TBC1D22A: variants seen among roughly 807,000 people sequenced by gnomAD.
The protein encoded by TBC1D22A is TBC1 domain family member 22A, also known as putative GTPase activator.
Under a neutral mutation model 60.2 loss-of-function variants are expected in TBC1D22A, and 38 were observed. The observed-to-expected ratio is 0.63, with a 90% confidence interval of 0.49 to 0.83. The LOEUF (loss-of-function observed/expected upper bound fraction) is 0.83. Ranked by LOEUF, TBC1D22A falls within the 40% of genes least tolerant of loss-of-function variation. The probability of loss-of-function intolerance (pLI) is 0.00; values close to 1 mark genes in which losing one functional copy is unlikely to be tolerated. For missense variants in TBC1D22A, 628 were observed against 701.0 expected (o/e 0.90, Z 1.18); for synonymous variants, 302 against 281.7 (o/e 1.07, Z -0.72).
chr22:46,773,143 C>T (rs2083561120), intron 1 of TBC1D22A, among the ~76,000 whole-genome samples: 1 of 152,186 alleles, frequency 6.6e-6, no homozygotes, highest in African/African-American at 2.4e-5. Flanking sequence ...GCATCTCTGC[C>T]CCTCCTCAGC....
chr22:47,016,159 A>G (rs901406067), intron 10 of TBC1D22A, among the ~76,000 whole-genome samples: 1 of 152,144 alleles, frequency 6.6e-6, no homozygotes, highest in African/African-American at 2.4e-5. Context: ...AGAAGCTTTT[A>G]CAGTGGGCAC....
chr22:46,793,302 C>G (rs556443990), intron 2 of TBC1D22A, among the ~76,000 whole-genome samples, 199 bp from the exon 3 acceptor site: 3 of 152,370 alleles, frequency 2.0e-5, no homozygotes, highest in South Asian at 4.1e-4. Context: ...CCCCCTCCCC[C>G]TCCTGCCACT....
At chr22:46,986,377 A>G (rs2074723432) in intron 9 of TBC1D22A, among the ~76,000 whole-genome samples, 1 of 151,266 alleles carries the variant, frequency 6.6e-6, no homozygotes, top group Admixed American at 6.6e-5. Flanking sequence ...TTTTATATAA[A>G]GTTTGCTTTT....
intron 11 of TBC1D22A, among the ~76,000 whole-genome samples, chr22:47,047,780 G>T (rs939466636): frequency 3.3e-5 from 5 of 152,358 alleles, no homozygotes; most frequent in Admixed American, 3.3e-4. Context: ...CCTGTCGGGT[G>T]CCCTGGCAAG....
chr22:46,844,995 T>A (rs942381596), intron 4 of TBC1D22A, among the ~76,000 whole-genome samples: 14 of 152,316 alleles, frequency 9.2e-5, no homozygotes, highest in Admixed American at 6.5e-4. Flanking sequence ...GAGTCCTGTC[T>A]GTGCCTGGAG....
intron 10 of TBC1D22A, among the ~76,000 whole-genome samples, chr22:47,017,126 T>C (rs2061934605): frequency 1.3e-5 from 2 of 152,254 alleles, no homozygotes; most frequent in African/African-American, 4.8e-5. Flanking sequence ...TACAAGTCTT[T>C]CCTGTCATTA....
chr22:46,840,738 A>G (rs991523790), intron 4 of TBC1D22A, among the ~76,000 whole-genome samples: 3 of 152,142 alleles, frequency 2.0e-5, no homozygotes, highest in Non-Finnish European at 4.4e-5. Context: ...GTCTACAAAA[A>G]AAAAAAAAAG....
intron 11 of TBC1D22A, among the ~76,000 whole-genome samples, chr22:47,107,262 A>G (rs2065670233): frequency 6.6e-6 from 1 of 152,224 alleles, no homozygotes; most frequent in South Asian, 2.1e-4. Context: ...TGCTAGAAAA[A>G]GTAGAACAGT....
intron 1 of TBC1D22A, among the ~76,000 whole-genome samples, chr22:46,780,628 C>G (rs900687376): frequency 6.6e-6 from 1 of 152,230 alleles, no homozygotes; most frequent in Non-Finnish European, 1.5e-5. Context: ...TGACTTGTCT[C>G]TTCCTGCTTC....
At chr22:47,097,663 G>A (rs1301069309) in intron 11 of TBC1D22A, among the ~76,000 whole-genome samples, 1 of 152,112 alleles carries the variant, frequency 6.6e-6, no homozygotes, top group African/African-American at 2.4e-5. Context: ...TCAATTAAAA[G>A]GAAGATAATT....
chr22:46,762,677 G>T lies in TBC1D22A; in HGVS notation c.-110G>T. 2.2e-6 allele frequency: 2 copies of T among 909,058 alleles called. No individual in the cohort carries two copies. The highest frequency in any genetic ancestry group is 2.4e-5 in the South Asian group (1 of 42,166). The allele number at this position is 909,058 out of a possible 1,614,324, so 56.3% of individuals were successfully genotyped here. A position where few individuals can be genotyped will look rare whatever the true frequency, so the allele number is the denominator to read the frequency against. On this transcript the variant is annotated 5_prime_UTR_variant, in exon 1 of 13. Coordinates refer to ENST00000337137, the MANE Select transcript of TBC1D22A (RefSeq NM_014346.5). The stretch of plus-strand genomic sequence containing the variant: ...AAGAGCTTCTCGGCTCTAGGCTCTG[G>T]AGTCCCGGGAGCAGTGAGGGGCCAC...
intron 9 of TBC1D22A, among the ~76,000 whole-genome samples, chr22:46,980,111 G>T (rs771090847): frequency 3.3e-5 from 5 of 152,160 alleles, no homozygotes; most frequent in Non-Finnish European, 7.3e-5. Flanking sequence ...ACCAGACAAT[G>T]TGTAACTTTA....
chr22:47,065,953 A>G (rs1011554819), intron 11 of TBC1D22A, among the ~76,000 whole-genome samples: 2 of 152,218 alleles, frequency 1.3e-5, no homozygotes, highest in Non-Finnish European at 2.9e-5. Flanking sequence ...TGCCTAGCAG[A>G]CAACTGGACA....
intron 4 of TBC1D22A, among the ~76,000 whole-genome samples, chr22:46,846,151 G>C (rs12158263): frequency 0.29 from 44,415 of 152,156 alleles, 6,501 homozygotes; most frequent in East Asian, 0.32. Context: ...GCAATGTGCC[G>C]AGTGCTTTTT....
At chr22:46,870,013 T>G (rs1482583929) in intron 4 of TBC1D22A, among the ~76,000 whole-genome samples, 2 of 152,244 alleles carry the variant, frequency 1.3e-5, no homozygotes, top group East Asian at 3.8e-4. Context: ...CAGAGTGTGC[T>G]GAATAACTGC....
At chr22:47,170,414 A>G (rs1355897126) in intron 12 of TBC1D22A, among the ~76,000 whole-genome samples, 1 of 152,250 alleles carries the variant, frequency 6.6e-6, no homozygotes, top group Non-Finnish European at 1.5e-5. Context: ...ATTGGCATCC[A>G]TGTAAGTTGC....
chr22:47,007,226 A>G (rs191080959), intron 10 of TBC1D22A, among the ~76,000 whole-genome samples: 113 of 152,308 alleles, frequency 7.4e-4, no homozygotes, highest in African/African-American at 2.1e-3. Context: ...TGGGGCCATC[A>G]TGAGTACTTC....
intron 4 of TBC1D22A, among the ~76,000 whole-genome samples, chr22:46,874,102 G>A (rs550440737): frequency 1.1e-4 from 16 of 152,146 alleles, no homozygotes; most frequent in African/African-American, 2.9e-4. Flanking sequence ...GAGCCACCGC[G>A]CCTGGCCAAT....
At chr22:46,799,129 A>G (rs976077027) in intron 4 of TBC1D22A, among the ~76,000 whole-genome samples, 1 of 151,800 alleles carries the variant, frequency 6.6e-6, no homozygotes, top group African/African-American at 2.4e-5. Context: ...CCCAGCCCCC[A>G]CCTTCCCTTC....
Sources: allele counts gnomAD v4.1 joint callset (sites outside exome capture counted in the v4.1 genomes callset), GRCh38; gene constraint gnomAD v4.1.1; transcripts MANE v1.5; gene names NCBI Gene and HGNC (gene_info 2026-07-23, HGNC 2026-07-21).